The following MMP2 variants were observed in gnomAD, a reference collection of about 807,000 sequenced individuals.
MMP2 encodes the protein matrix metallopeptidase 2, also known as 72 kDa type IV collagenase.
MMP2 carries 39 observed loss-of-function variants against 74.8 expected under a neutral mutation model. The observed-to-expected ratio is 0.52, with a 90% CI of 0.40 to 0.68. The LOEUF is 0.68. MMP2 is among the 30% of genes least tolerant of loss of function. The pLI is 0.00. For missense variants in MMP2, 803 were observed against 878.3 expected (o/e 0.91, Z 1.08); for synonymous variants, 367 against 339.8 (o/e 1.08, Z -0.88).
intron 7 of MMP2, among the ~76,000 whole-genome samples, chr16:55,490,664 A>G (rs1962383086): frequency 6.6e-6 from 1 of 152,136 alleles, no homozygotes; most frequent in African/African-American, 2.4e-5. Context: ...GCCTGTCTTT[A>G]TGTTGCTTTC....
Position 55,506,070 on chromosome 16 carries a change from A to T in MMP2, c.*628A>T, listed in dbSNP as rs1320928466. On this transcript the variant is annotated 3_prime_UTR_variant, in exon 13 of 13. Transcript: ENST00000219070. ...CTGCACAGTGCATCTCAGCCCACAT[A>T]GTGATGGTTCCCCTGTTCACTCTAC... 6.5e-6 allele frequency: 1 copy of T among 154,046 alleles called. No homozygotes were observed. Among genetic ancestry groups the T allele is most frequent in the Non-Finnish European group, 1.4e-5 (1 of 69,406 alleles). 9.5% of individuals were successfully genotyped at this position (154,046 alleles called of 1,614,324 possible). A position where few individuals can be genotyped will look rare whatever the true frequency, so the allele number is the denominator to read the frequency against.
intron 2 of MMP2, 62 bp downstream of exon 2, chr16:55,483,197 C>T: frequency 1.5e-6 from 2 of 1,340,326 alleles, no homozygotes; most frequent in Non-Finnish European, 2.1e-6. Context: ...TCTCCTTGAC[C>T]CATGCATTCT....
intron 7 of MMP2, 147 bp from the exon 8 acceptor site, chr16:55,491,654 A>C: frequency 1.2e-6 from 1 of 814,958 alleles, no homozygotes. Flanking sequence ...TCAGGAAAAG[A>C]AAAAAAAAAT....
chr16:55,489,517 T>G, intron 6 of MMP2, 134 bp from the exon 7 acceptor site: 169 of 1,072,934 alleles, frequency 1.6e-4, no homozygotes, highest in Non-Finnish European at 2.1e-4. Flanking sequence ...GTGGGTGAGA[T>G]GAGTCTAAAG....
Position 55,489,731 on chromosome 16 carries a change from T to G in MMP2, c.1087T>G (p.Cys363Gly), listed in dbSNP as rs780136658. ...TTTCCTGGGCAACAAATATGAGAGCTGCACCAGCGCCGGCCGCAGTGACGG... is the reference window on the plus strand; with the variant it reads ...TTTCCTGGGCAACAAATATGAGAGCGGCACCAGCGCCGGCCGCAGTGACGG... ...FTFLGNKYES[C>G]TSAGRSDGKM... Residue 363 changes from cysteine (C) to glycine (G), a missense_variant, in exon 7 of 13, where the codon TGC becomes GGC. By Grantham distance (159) the Cys-to-Gly change is radical (BLOSUM62 -3). This residue lies in a region of MMP2 where 555 missense variants were observed against 592.0 expected (regional missense o/e 0.94). Transcript: ENST00000219070. 1.9e-6 allele frequency: 3 copies of G among 1,614,150 alleles called. No homozygotes were observed. In the East Asian group the frequency reaches 6.7e-5, roughly 36 times the overall value.
Position 55,489,735 on chromosome 16 carries a change from C to T in MMP2, c.1091C>T (p.Thr364Ile), listed in dbSNP as rs1468714197. The stretch of plus-strand genomic sequence containing the variant: ...CTGGGCAACAAATATGAGAGCTGCA[C>T]CAGCGCCGGCCGCAGTGACGGAAAG... ...TFLGNKYESC[T>I]SAGRSDGKMW... is the part of the protein sequence containing the mutation. The change falls in exon 7 of 13, where the codon ACC becomes ATC. Residue 364 changes from threonine to isoleucine, a missense_variant. Coordinates refer to ENST00000219070, the MANE Select transcript of MMP2 (RefSeq NM_004530.6). 1 of 1,614,166 alleles carries T rather than the reference C, an allele frequency of 6.2e-7. No homozygotes were observed. The highest frequency in any genetic ancestry group is 1.3e-5 in the African/African-American group (1 of 75,040).
intron 11 of MMP2, 50 bp downstream of exon 11, chr16:55,498,498 A>C (rs183907437): frequency 3.7e-6 from 6 of 1,613,060 alleles, no homozygotes. Context: ...TGCGAGAGAC[A>C]GAGAAGCCGC....
At chr16:55,505,054 C>T (rs1275188975) in intron 12 of MMP2, among the ~76,000 whole-genome samples, 4 of 152,134 alleles carry the variant, frequency 2.6e-5, no homozygotes, top group African/African-American at 9.6e-5. Flanking sequence ...TGGGCTTAAG[C>T]GACCCTCCCA....
Position 55,485,700 on chromosome 16 carries a change from G to T in MMP2, c.755G>T (p.Arg252Leu), listed in dbSNP as rs745732650. The T allele has an allele frequency of 1.9e-6, 3 of 1,614,006 alleles. No individual in the cohort carries two copies. The highest frequency in any genetic ancestry group is 2.7e-5 in the African/African-American group (2 of 74,904). ...KEYNSCTDTG[R>L]SDGFLWCSTT... is the part of the protein sequence containing the mutation. The stretch of plus-strand genomic sequence containing the variant: ...TACAACAGCTGCACTGATACCGGCC[G>T]CAGCGATGGCTTCCTCTGGTGCTCC... Residue 252 changes from arginine (R) to leucine (L), a missense_variant, in exon 5 of 13, where the codon CGC becomes CTC. Arg to Leu is a moderately radical substitution (Grantham distance 102). Transcript: ENST00000219070.
chr16:55,489,466 C>G (rs17859913), intron 6 of MMP2, among the ~76,000 whole-genome samples, 185 bp from the exon 7 acceptor site: 1 of 152,156 alleles, frequency 6.6e-6, no homozygotes, highest in East Asian at 1.9e-4. Flanking sequence ...CCATGAAACG[C>G]GGTGCTATTC....
intron 5 of MMP2, chr16:55,488,240 A>G: frequency 2.2e-6 from 1 of 455,672 alleles, no homozygotes; most frequent in Non-Finnish European, 4.1e-6. Flanking sequence ...GACCAGGCAG[A>G]ATGGACAGTG....
intron 6 of MMP2, 74 bp from the exon 7 acceptor site, chr16:55,489,577 G>C (rs1050609687): frequency 1.9e-6 from 3 of 1,571,540 alleles, no homozygotes; most frequent in African/African-American, 2.7e-5. Flanking sequence ...ATTAAGGTCA[G>C]CGTCATGTCA....
Position 55,502,795 on chromosome 16 carries a change from A to G in MMP2, c.1786A>G (p.Lys596Glu). 1 of 1,613,932 alleles carries G rather than the reference A, an allele frequency of 6.2e-7. No homozygotes were observed. Among genetic ancestry groups the G allele is most frequent in the Non-Finnish European group, 8.5e-7 (1 of 1,179,896 alleles). Residue 596 changes from lysine to glutamate, a missense_variant, in exon 12 of 13, where the codon AAG becomes GAG. Coordinates refer to ENST00000219070, the MANE Select transcript of MMP2 (RefSeq NM_004530.6). ...DKFWRYNEVK[K>E]KMDPGFPKLI... ...TCTTTACAGATACAATGAGGTGAAGAAGAAAATGGATCCTGGCTTCCCCAA... is the reference window on the plus strand; with the variant it reads ...TCTTTACAGATACAATGAGGTGAAGGAGAAAATGGATCCTGGCTTCCCCAA...
chr16:55,492,083 G>A, intron 8 of MMP2, 127 bp downstream of exon 8: 1 of 888,770 alleles, frequency 1.1e-6, no homozygotes. Context: ...GACGAGGGCA[G>A]GAAATGGGAG....
At chr16:55,500,217 C>T (rs1432601876) in intron 11 of MMP2, among the ~76,000 whole-genome samples, 1 of 152,096 alleles carries the variant, frequency 6.6e-6, no homozygotes, top group African/African-American at 2.4e-5. Context: ...ACACTAGCCC[C>T]AGACAGTGTG....
chr16:55,502,628 TC>T, intron 11 of MMP2, 150 bp from the exon 12 acceptor site: 1 of 699,778 alleles, frequency 1.4e-6, no homozygotes, highest in Non-Finnish European at 2.6e-6. Flanking sequence ...TCCATGCCCT[TC>T]CTTCCACTGC....
intron 4 of MMP2, 53 bp from the exon 5 acceptor site, chr16:55,485,551 C>T: frequency 6.2e-7 from 1 of 1,612,410 alleles, no homozygotes; most frequent in South Asian, 1.1e-5. Flanking sequence ...GAATCTTGGT[C>T]TCCAAAGAAG....
At chr16:55,494,641 C>G (rs972550504) in intron 9 of MMP2, among the ~76,000 whole-genome samples, 4 of 152,228 alleles carry the variant, frequency 2.6e-5, no homozygotes, top group Admixed American at 6.5e-5. Flanking sequence ...GACTGGAACT[C>G]TGGGGCTAGG....
chr16:55,480,641 G>A (rs1237745336), intron 1 of MMP2: 4 of 152,386 alleles, frequency 2.6e-5, no homozygotes, highest in African/African-American at 4.8e-5. Flanking sequence ...GACCCATCAA[G>A]ATGTCCTTTC....
Sources: gnomAD v4.1 joint callset for allele counts (sites outside exome capture counted in the v4.1 genomes callset) on GRCh38, gnomAD v4.1.1 for gene constraint, gnomAD v4.1.1 regional missense constraint, MANE v1.5 for transcripts, NCBI Gene and HGNC (gene_info 2026-07-23, HGNC 2026-07-21) for gene names.